DGKB: variants seen among roughly 807,000 people sequenced by gnomAD.
DGKB encodes the protein diacylglycerol kinase beta, also known as 90 kDa diacylglycerol kinase.
A neutral mutation model predicts 114.3 loss-of-function variants in DGKB; 67 were observed. The observed-to-expected ratio is 0.59, with a 90% confidence interval of 0.48 to 0.72. DGKB has a LOEUF of 0.72. DGKB is among the 30% of genes least tolerant of loss of function. The pLI, the probability that DGKB is intolerant of heterozygous loss-of-function variation, is 0.00. For missense variants in DGKB, 907 were observed against 975.2 expected, an observed-to-expected ratio of 0.93 and a Z score of 0.93; for synonymous variants, 398 against 323.1, an observed-to-expected ratio of 1.23 and a Z score of -2.49.
At chr7:14,867,353 A>T (rs1851842212) in intron 1 of DGKB, among the ~76,000 whole-genome samples, 1 of 152,032 alleles carries the variant, frequency 6.6e-6, no homozygotes, top group Non-Finnish European at 1.5e-5. Context: ...CTACTACTGC[A>T]TTGGATATTT....
intron 2 of DGKB, among the ~76,000 whole-genome samples, chr7:14,827,848 G>T (rs1845904255): frequency 6.6e-6 from 1 of 152,000 alleles, no homozygotes; most frequent in Non-Finnish European, 1.5e-5. Context: ...CAAAATATTT[G>T]TCAGGCTATT....
chr7:14,751,497 A>G (rs920643946), intron 4 of DGKB, among the ~76,000 whole-genome samples: 8 of 152,240 alleles, frequency 5.3e-5, no homozygotes, highest in Admixed American at 2.6e-4. Flanking sequence ...AGATTTGATA[A>G]GAAGAGGAAC....
intron 25 of DGKB, among the ~76,000 whole-genome samples, chr7:14,162,043 CT>C (rs1394054091): frequency 2.0e-5 from 3 of 152,174 alleles, no homozygotes; most frequent in Admixed American, 2.0e-4. Context: ...CAGGCTCACT[CT>C]TTAAAATTTT....
intron 13 of DGKB, among the ~76,000 whole-genome samples, chr7:14,659,534 G>T (rs1816597040): frequency 6.7e-6 from 1 of 149,044 alleles, no homozygotes; most frequent in South Asian, 2.1e-4. Flanking sequence ...CTCTCTGTTT[G>T]TCTGTTATTG....
Position 14,823,656 on chromosome 7 carries a change from A to T in DGKB, c.70+17538T>A, listed in dbSNP as rs1845260702. Among the ~76,000 whole-genome samples, 4 of 152,210 alleles carry T rather than the reference A, an allele frequency of 2.6e-5. No individual in the cohort carries two copies. In the South Asian group the frequency reaches 8.3e-4, roughly 31 times the overall value. The stretch of plus-strand genomic sequence containing the variant: ...ATGTTTAGAATTTGTTACCCCAAAC[A>T]AAATAACAGCAATTAAAAAACACAG... On this transcript the variant is annotated intron_variant, in intron 2 of 25. Coordinates refer to ENST00000402815, the MANE Select transcript of DGKB (RefSeq NM_001350709.2).
intron 5 of DGKB, among the ~76,000 whole-genome samples, chr7:14,729,323 C>T (rs575721852): frequency 4.8e-4 from 73 of 151,180 alleles, no homozygotes; most frequent in East Asian, 1.8e-3. Flanking sequence ...CAGGTTTCAC[C>T]GTGTTAGCCA....
In DGKB at chr7:14,339,208, T is replaced by TAAA. The variant is rs35265569; in HGVS notation, c.1927-501_1927-499dup. ...AAGAAGTAGCTTAAAAGACTTTTGC[T>TAAA]AAAAAAAAAAAAAGTAAAATTCAAA... On this transcript the variant is annotated intron_variant, in intron 22 of 25. Coordinates refer to ENST00000402815, the MANE Select transcript of DGKB (RefSeq NM_001350709.2). 1.1e-3 allele frequency among the ~76,000 whole-genome samples: 161 copies of TAAA among 142,146 alleles called. 1 individual carries two copies. The highest frequency in any genetic ancestry group is 4.5e-3 in the East Asian group (22 of 4,920). 93.3% of individuals were successfully genotyped at this position (142,146 alleles called of 152,430 possible).
intron 13 of DGKB, among the ~76,000 whole-genome samples, chr7:14,635,049 T>C (rs958298021): frequency 1.3e-5 from 2 of 151,616 alleles, no homozygotes; most frequent in Non-Finnish European, 3.0e-5. Flanking sequence ...CTAATTAAGA[T>C]GTAACTATAA....
intron 1 of DGKB, among the ~76,000 whole-genome samples, chr7:14,968,005 G>T (rs531582060): frequency 3.4e-4 from 51 of 152,188 alleles, no homozygotes; most frequent in African/African-American, 1.1e-3. Flanking sequence ...TAAAAAGAGT[G>T]ACAGCTCATT....
At chr7:14,898,956 C>G (rs1042265610) in intron 1 of DGKB, among the ~76,000 whole-genome samples, 1 of 152,118 alleles carries the variant, frequency 6.6e-6, no homozygotes, top group African/African-American at 2.4e-5. Flanking sequence ...TCCTTCATTT[C>G]AAATTGTTGA....
chr7:14,375,761 G>C (rs1818381063), intron 21 of DGKB, among the ~76,000 whole-genome samples: 1 of 152,140 alleles, frequency 6.6e-6, no homozygotes, highest in South Asian at 2.1e-4. Flanking sequence ...GTTTTACTTT[G>C]ATTGCCTCTC....
At chr7:14,168,019 A>G (rs1414838328) in intron 25 of DGKB, among the ~76,000 whole-genome samples, 1 of 152,230 alleles carries the variant, frequency 6.6e-6, no homozygotes, top group Non-Finnish European at 1.5e-5. Context: ...GAATTAACAA[A>G]GACTTAAGAG....
At chr7:14,967,245 A>G (rs1587474749) in intron 1 of DGKB, among the ~76,000 whole-genome samples, 1 of 152,210 alleles carries the variant, frequency 6.6e-6, no homozygotes, top group East Asian at 1.9e-4. Flanking sequence ...ACTCCTACAT[A>G]AGAATGCAAA....
At chr7:14,642,404 A>T (rs1225163853) in intron 13 of DGKB, among the ~76,000 whole-genome samples, 1 of 151,948 alleles carries the variant, frequency 6.6e-6, no homozygotes, top group African/African-American at 2.4e-5. Flanking sequence ...CAACAGGTAG[A>T]CTCTTTAATA....
chr7:14,734,707 TGTTAACAGGTAGTG>T (rs1409292841), intron 5 of DGKB, among the ~76,000 whole-genome samples: 4 of 152,216 alleles, frequency 2.6e-5, no homozygotes, highest in Non-Finnish European at 4.4e-5. Flanking sequence ...GGTTATTTTT[TGTTAACAGGTAGTG>T]GTTTGATTCT....
In DGKB at chr7:14,441,921, T is replaced by C. The variant is rs116435169; in HGVS notation, c.1835+36240A>G. On this transcript the variant is annotated intron_variant, in intron 21 of 25. Transcript: ENST00000402815. ...TTTGAGATATCATACAACTTTGTCATAATGCAGTAGATATACATACATATC... is the reference window on the plus strand; with the variant it reads ...TTTGAGATATCATACAACTTTGTCACAATGCAGTAGATATACATACATATC... Among the ~76,000 whole-genome samples, 953 of 152,136 alleles carry C rather than the reference T, an allele frequency of 6.3e-3. 10 individuals are homozygous for C. Among genetic ancestry groups the C allele is most frequent in the African/African-American group, 0.022 (920 of 41,558 alleles).
At chr7:14,740,850 C>A (rs1353013745) in intron 4 of DGKB, among the ~76,000 whole-genome samples, 1 of 152,098 alleles carries the variant, frequency 6.6e-6, no homozygotes, top group Non-Finnish European at 1.5e-5. Flanking sequence ...ATGGGTGGCA[C>A]CCTGTTGTGG....
chr7:14,349,882 A>G (rs1196105560), intron 21 of DGKB, among the ~76,000 whole-genome samples: 6 of 152,142 alleles, frequency 3.9e-5, no homozygotes, highest in Non-Finnish European at 2.9e-5. Context: ...AGAATATGGT[A>G]ACTCGACATT....
chr7:14,845,217 C>G (rs1848487406), intron 1 of DGKB, among the ~76,000 whole-genome samples: 1 of 151,690 alleles, frequency 6.6e-6, no homozygotes, highest in Non-Finnish European at 1.5e-5. Context: ...TGGTGAACTG[C>G]CATCCTTAGA....
Sources: allele counts gnomAD v4.1 joint callset (sites outside exome capture counted in the v4.1 genomes callset), GRCh38; gene constraint gnomAD v4.1.1; transcripts MANE v1.5; gene names NCBI Gene and HGNC (gene_info 2026-07-23, HGNC 2026-07-21).